Variants in KIAA1217 observed in about 807,000 individuals in gnomAD.
KIAA1217 encodes sickle tail protein homolog.
A neutral mutation model predicts 163.9 loss-of-function variants in KIAA1217; 88 were observed. The observed-to-expected ratio is 0.54, with a 90% CI of 0.45 to 0.64. KIAA1217 has a LOEUF of 0.64. KIAA1217 is among the 30% of genes least tolerant of loss of function. KIAA1217 has a pLI of 0.00. For missense variants in KIAA1217, 2,372 were observed against 2,475.0 expected (o/e 0.96, Z 0.88); for synonymous variants, 903 against 923.1 (o/e 0.98, Z 0.39).
intron 1 of KIAA1217, among the ~76,000 whole-genome samples, chr10:24,004,490 A>T (rs930279304): frequency 1.3e-5 from 2 of 152,220 alleles, no homozygotes; most frequent in Non-Finnish European, 2.9e-5. Flanking sequence ...TATATTTGGA[A>T]CTATATTCTA....
chr10:24,135,318 A>C (rs2063793627), intron 2 of KIAA1217, among the ~76,000 whole-genome samples: 1 of 152,072 alleles, frequency 6.6e-6, no homozygotes. Context: ...GAATGAGTGG[A>C]AGTTGGGGGA....
chr10:24,036,469 G>A (rs912120017), intron 2 of KIAA1217, among the ~76,000 whole-genome samples: 1 of 152,192 alleles, frequency 6.6e-6, no homozygotes, highest in African/African-American at 2.4e-5. Context: ...ATTTGGAACA[G>A]GGTATTTGTC....
chr10:24,456,228 G>T (rs1247869210), intron 5 of KIAA1217, among the ~76,000 whole-genome samples: 1 of 152,250 alleles, frequency 6.6e-6, no homozygotes, highest in Non-Finnish European at 1.5e-5. Flanking sequence ...ATATAATACA[G>T]TATGATGTTC....
chr10:24,088,350 G>C (rs1463203085), intron 2 of KIAA1217, among the ~76,000 whole-genome samples: 1 of 115,954 alleles, frequency 8.6e-6, no homozygotes, highest in Non-Finnish European at 2.1e-5. Flanking sequence ...CAACGTGCAG[G>C]TTTGTTACAT....
At chr10:24,369,177 C>CTGTGTGTGTG (rs1330525924) in intron 2 of KIAA1217, among the ~76,000 whole-genome samples, 31 of 78,896 alleles carry the variant, frequency 3.9e-4, no homozygotes, top group African/African-American at 2.2e-3. Context: ...AGAACTTTCA[C>CTGTGTGTGTG]TATGTGTGTG....
At chr10:23,879,803 T>A (rs1260696530) in intron 1 of KIAA1217, among the ~76,000 whole-genome samples, 1 of 151,878 alleles carries the variant, frequency 6.6e-6, no homozygotes, top group Admixed American at 6.6e-5. Context: ...CTCTTGGAAA[T>A]GATCCAATAA....
chr10:23,762,536 T>C (rs1013164222), intron 1 of KIAA1217, among the ~76,000 whole-genome samples: 1 of 152,184 alleles, frequency 6.6e-6, no homozygotes, highest in East Asian at 1.9e-4. Flanking sequence ...TCTCAATAGA[T>C]GCAGAAAAAG....
chr10:23,983,483 G>A (rs1228695541), intron 1 of KIAA1217, among the ~76,000 whole-genome samples: 1 of 152,122 alleles, frequency 6.6e-6, no homozygotes, highest in Non-Finnish European at 1.5e-5. Context: ...CATGGCTGGA[G>A]CAGAAGGAAG....
chr10:23,855,790 C>T (rs1839625215), intron 1 of KIAA1217, among the ~76,000 whole-genome samples: 1 of 152,186 alleles, frequency 6.6e-6, no homozygotes, highest in South Asian at 2.1e-4. Flanking sequence ...ACCCTTTCTT[C>T]CAGTTGATCG....
At chr10:23,826,992 T>C (rs1383278945) in intron 1 of KIAA1217, among the ~76,000 whole-genome samples, 1 of 152,198 alleles carries the variant, frequency 6.6e-6, no homozygotes, top group African/African-American at 2.4e-5. Flanking sequence ...AAGGTGAATA[T>C]GACTTAGTCC....
chr10:24,133,770 T>A (rs987883569), intron 2 of KIAA1217, among the ~76,000 whole-genome samples: 2 of 152,176 alleles, frequency 1.3e-5, no homozygotes, highest in Non-Finnish European at 2.9e-5. Flanking sequence ...TGATGAAATG[T>A]TAGCTTTCAG....
intron 2 of KIAA1217, among the ~76,000 whole-genome samples, chr10:24,079,710 G>T (rs1031166624): frequency 1.3e-5 from 2 of 152,170 alleles, no homozygotes; most frequent in African/African-American, 4.8e-5. Flanking sequence ...CACCCCTGAT[G>T]ATGGTTGTGA....
At chr10:23,998,760 A>G (rs79074996) in intron 1 of KIAA1217, among the ~76,000 whole-genome samples, 33 of 152,360 alleles carry the variant, frequency 2.2e-4, no homozygotes, top group African/African-American at 7.7e-4. Flanking sequence ...TCTCATAAGC[A>G]GAGGGCCTTT....
At chr10:24,043,905 G>T (rs958704728) in intron 2 of KIAA1217, among the ~76,000 whole-genome samples, 3 of 151,946 alleles carry the variant, frequency 2.0e-5, no homozygotes, top group Non-Finnish European at 2.9e-5. Context: ...GGTCTGGGTT[G>T]GGATTAGTTC....
intron 2 of KIAA1217, among the ~76,000 whole-genome samples, chr10:24,148,440 C>A (rs1295076924): frequency 6.6e-6 from 1 of 152,048 alleles, no homozygotes; most frequent in African/African-American, 2.4e-5. Flanking sequence ...ATGTAATCCC[C>A]AGGGTTGGAG....
chr10:24,045,454 C>T (rs943388383), intron 2 of KIAA1217, among the ~76,000 whole-genome samples: 2 of 152,032 alleles, frequency 1.3e-5, no homozygotes, highest in Admixed American at 6.6e-5. Flanking sequence ...CTCTAGTTCT[C>T]TCTTTATGGA....
chr10:24,340,984 C>T (rs981210699), intron 2 of KIAA1217, among the ~76,000 whole-genome samples: 7 of 152,082 alleles, frequency 4.6e-5, no homozygotes, highest in African/African-American at 9.7e-5. Flanking sequence ...GATAGTTCTC[C>T]GTCATGTAAT....
rs185491224 is a variant in KIAA1217 at position 23,779,493 on chromosome 10, G to T, written c.-321+84259G>T. Among the ~76,000 whole-genome samples the T allele has an allele frequency of 4.0e-3, 607 of 152,154 alleles. 4 individuals are homozygous for T. The highest frequency in any genetic ancestry group is 0.014 in the Admixed American group (213 of 15,272). On this transcript the variant is annotated intron_variant, in intron 1 of 18. Transcript: ENST00000376462. ...AAGCTCACTCAGTGTGAATGTTTTC[G>T]GTCAAGGCCAGGTGACTAATAGATA... is the stretch of plus-strand genomic sequence containing the variant.
At chr10:24,201,819 G>A (rs374545163) in intron 2 of KIAA1217, among the ~76,000 whole-genome samples, 28 of 152,306 alleles carry the variant, frequency 1.8e-4, no homozygotes, top group African/African-American at 6.5e-4. Flanking sequence ...ACTCGAGGGT[G>A]AGGCACTTGA....
Sources: gnomAD v4.1 joint callset for allele counts (sites outside exome capture counted in the v4.1 genomes callset) on GRCh38, gnomAD v4.1.1 for gene constraint, MANE v1.5 for transcripts, NCBI Gene and HGNC (gene_info 2026-07-23, HGNC 2026-07-21) for gene names.